PPM1L: variants seen among roughly 807,000 people sequenced by gnomAD.
PPM1L encodes protein phosphatase, Mg2+/Mn2+ dependent 1L.
In PPM1L, 13 loss-of-function variants were observed where a neutral mutation model predicts 31.4. That is an observed-to-expected ratio of 0.41 (90% CI 0.27 to 0.66). The LOEUF is 0.66. PPM1L is among the 30% of genes least tolerant of loss of function. PPM1L has a pLI of 0.29. For synonymous variants in PPM1L, 184 were observed against 175.4 expected (o/e 1.05, Z -0.39); for missense variants, 326 against 453.7 (o/e 0.72, Z 2.56).
At chr3:160,891,022 C>T (rs1260978302) in intron 1 of PPM1L, among the ~76,000 whole-genome samples, 1 of 152,130 alleles carries the variant, frequency 6.6e-6, no homozygotes, top group African/African-American at 2.4e-5. Flanking sequence ...CATAAATCCC[C>T]TAGAAGAAAA....
rs891135758 is a variant in PPM1L at position 161,073,689 on chromosome 3, G to C, written c.*4532G>C. The C allele has an allele frequency of 1.3e-5, 2 of 152,118 alleles. No homozygotes were observed. The highest frequency in any genetic ancestry group is 2.9e-5 in the Non-Finnish European group (2 of 68,096). The allele number at this position is 152,118 out of a possible 1,614,324, so 9.4% of individuals were successfully genotyped here. On this transcript the variant is annotated 3_prime_UTR_variant, in exon 4 of 4. Transcript: ENST00000498165. The stretch of plus-strand genomic sequence containing the variant: ...CCATTCTCCTGCCTCAGCCTCCTGA[G>C]CAGCTGGGACTACAGGCGGCCTCCA...
chr3:161,061,089 G>A (rs1719557922), intron 2 of PPM1L, among the ~76,000 whole-genome samples: 1 of 152,072 alleles, frequency 6.6e-6, no homozygotes, highest in Non-Finnish European at 1.5e-5. Context: ...TAAACTATCT[G>A]TTATAATCCT....
intron 1 of PPM1L, among the ~76,000 whole-genome samples, chr3:160,780,916 C>T (rs1711726359): frequency 6.6e-6 from 1 of 152,110 alleles, no homozygotes; most frequent in African/African-American, 2.4e-5. Context: ...AGTATAGTGC[C>T]TGGCATTGTG....
chr3:160,854,374 A>G (rs543510147), intron 1 of PPM1L, among the ~76,000 whole-genome samples: 2 of 152,324 alleles, frequency 1.3e-5, no homozygotes, highest in East Asian at 3.9e-4. Flanking sequence ...TGTATAAGGT[A>G]AAGTGTTTTT....
At chr3:160,995,383 C>A (rs1475168060) in intron 2 of PPM1L, among the ~76,000 whole-genome samples, 1 of 152,052 alleles carries the variant, frequency 6.6e-6, no homozygotes, top group Admixed American at 6.5e-5. Flanking sequence ...TGAAATGGCA[C>A]AATCTCGACT....
intron 2 of PPM1L, among the ~76,000 whole-genome samples, chr3:160,994,263 T>C (rs1354290498): frequency 6.6e-6 from 1 of 152,148 alleles, no homozygotes; most frequent in Non-Finnish European, 1.5e-5. Context: ...ATATGGCTTT[T>C]CCCAGGGGCT....
intron 2 of PPM1L, among the ~76,000 whole-genome samples, chr3:160,970,674 T>C (rs1716300597): frequency 6.6e-6 from 1 of 151,900 alleles, no homozygotes; most frequent in South Asian, 2.1e-4. Context: ...TGCCAGTTGG[T>C]CTCAAAGTCC....
At chr3:161,068,765 T>C (rs200040794) in intron 3 of PPM1L, 46 bp from the exon 4 acceptor site, 1 of 1,427,822 alleles carries the variant, frequency 7.0e-7, no homozygotes, top group East Asian at 2.3e-5. Context: ...CCCAGGTAAG[T>C]GAGATATCAG....
chr3:160,855,614 A>G (rs1263197121), intron 1 of PPM1L, among the ~76,000 whole-genome samples: 1 of 152,232 alleles, frequency 6.6e-6, no homozygotes, highest in African/African-American at 2.4e-5. Context: ...AAGCACATAA[A>G]AAATGCTCAA....
intron 1 of PPM1L, among the ~76,000 whole-genome samples, chr3:160,793,471 A>C (rs939278438): frequency 3.3e-5 from 5 of 152,134 alleles, no homozygotes; most frequent in African/African-American, 1.2e-4. Flanking sequence ...CATGTGAGAG[A>C]TGACCTATGG....
intron 2 of PPM1L, among the ~76,000 whole-genome samples, chr3:161,019,816 A>C (rs1195909738): frequency 6.6e-6 from 1 of 152,124 alleles, no homozygotes; most frequent in Non-Finnish European, 1.5e-5. Flanking sequence ...CTAAAATCAT[A>C]AACGAAGCTA....
Position 161,075,587 on chromosome 3 carries a change from A to G in PPM1L, c.*6430A>G, listed in dbSNP as rs1720071378. ...AATGGTTTGGAACACTTTTTAATAA[A>G]AAATTGTAAAATCAGTTTCCAGTGT... is the stretch of plus-strand genomic sequence containing the variant. On this transcript the variant is annotated 3_prime_UTR_variant, in exon 4 of 4. Coordinates refer to ENST00000498165, the MANE Select transcript of PPM1L (RefSeq NM_139245.4). 6.6e-6 allele frequency: 1 copy of G among 152,254 alleles called. No individual in the cohort carries two copies. The highest frequency in any genetic ancestry group is 2.4e-5 in the African/African-American group (1 of 41,474). The allele number at this position is 152,254 out of a possible 1,614,324, so 9.4% of individuals were successfully genotyped here.
At chr3:161,043,040 A>G (rs1375391466) in intron 2 of PPM1L, among the ~76,000 whole-genome samples, 10 of 104,126 alleles carry the variant, frequency 9.6e-5, no homozygotes, top group African/African-American at 3.6e-4. Flanking sequence ...AAAAATTGTT[A>G]TTTTTTTTTT....
At chr3:161,019,746 C>G (rs1576787466) in intron 2 of PPM1L, among the ~76,000 whole-genome samples, 1 of 152,176 alleles carries the variant, frequency 6.6e-6, no homozygotes, top group African/African-American at 2.4e-5. Flanking sequence ...TATATGTCCA[C>G]TAGGGTCACA....
intron 1 of PPM1L, among the ~76,000 whole-genome samples, chr3:160,872,865 T>A (rs949626669): frequency 6.6e-6 from 1 of 151,988 alleles, no homozygotes; most frequent in African/African-American, 2.4e-5. Flanking sequence ...AGGCAGAGCT[T>A]GCAGTGAGCC....
At chr3:160,908,363 A>G (rs187710171) in intron 1 of PPM1L, among the ~76,000 whole-genome samples, 1 of 121,838 alleles carries the variant, frequency 8.2e-6, no homozygotes, top group African/African-American at 2.6e-5. Context: ...TACATTTGGA[A>G]CTATAAAAAT....
chr3:160,833,607 G>A (rs1713591190), intron 1 of PPM1L, among the ~76,000 whole-genome samples: 1 of 151,816 alleles, frequency 6.6e-6, no homozygotes, highest in African/African-American at 2.4e-5. Flanking sequence ...CATGTCCCTT[G>A]CCCACTTTTT....
At chr3:161,059,815 T>C (rs550191532) in intron 2 of PPM1L, among the ~76,000 whole-genome samples, 45 of 152,126 alleles carry the variant, frequency 3.0e-4, no homozygotes, top group African/African-American at 1.0e-3. Context: ...GATCTGGTTG[T>C]TTAAAAGTGT....
chr3:160,812,264 G>A (rs1374188303), intron 1 of PPM1L, among the ~76,000 whole-genome samples: 1 of 152,052 alleles, frequency 6.6e-6, no homozygotes, highest in Non-Finnish European at 1.5e-5. Flanking sequence ...AAATATAATT[G>A]TGCATTAATT....
Sources: allele counts gnomAD v4.1 joint callset (sites outside exome capture counted in the v4.1 genomes callset), GRCh38; gene constraint gnomAD v4.1.1; transcripts MANE v1.5; gene names NCBI Gene and HGNC (gene_info 2026-07-23, HGNC 2026-07-21).